The following NKAIN2 variants were observed in gnomAD, a reference collection of about 807,000 sequenced individuals.
NKAIN2 encodes the protein sodium/potassium-transporting ATPase subunit beta-1-interacting protein 2.
A neutral mutation model predicts 32.6 loss-of-function variants in NKAIN2; 14 were observed. The ratio of observed to expected loss-of-function variants is 0.43; its 90% CI spans 0.28 to 0.67. NKAIN2 has a LOEUF of 0.67. NKAIN2 is among the 30% of genes least tolerant of loss of function. NKAIN2 has a pLI of 0.17. For missense variants in NKAIN2, 198 were observed against 258.3 expected (o/e 0.77, Z 1.60); for synonymous variants, 80 against 87.2 (o/e 0.92, Z 0.46).
intron 3 of NKAIN2, among the ~76,000 whole-genome samples, chr6:124,542,083 A>G (rs1369562611): frequency 6.6e-6 from 1 of 152,130 alleles, no homozygotes; most frequent in Non-Finnish European, 1.5e-5. Flanking sequence ...TATGAATTTC[A>G]AAAAGTAAGG....
rs901317417 is a variant in NKAIN2, at chr6:124,387,410, C to T, written c.273+32063C>T. ...ACTACTTCAGAATATTTAGCTCTTGCTCCTAGTCATATAAACAAAGCATCA... is the reference window on the plus strand; with the variant it reads ...ACTACTTCAGAATATTTAGCTCTTGTTCCTAGTCATATAAACAAAGCATCA... On this transcript the variant is annotated intron_variant, in intron 3 of 6. Coordinates refer to ENST00000368417, the MANE Select transcript of NKAIN2 (RefSeq NM_001040214.3). Among the ~76,000 whole-genome samples the T allele has an allele frequency of 8.6e-5, 13 of 151,792 alleles. No individual in the cohort carries two copies. In the East Asian group the frequency reaches 1.9e-3, roughly 23 times the overall value.
chr6:124,264,390 A>G (rs1794390233), intron 1 of NKAIN2, among the ~76,000 whole-genome samples: 1 of 152,182 alleles, frequency 6.6e-6, no homozygotes, highest in Admixed American at 6.6e-5. Context: ...ACAATAAGCC[A>G]TAGTTGGCAA....
chr6:123,979,666 G>T (rs1226379303), intron 1 of NKAIN2, among the ~76,000 whole-genome samples: 4 of 152,162 alleles, frequency 2.6e-5, no homozygotes, highest in Non-Finnish European at 4.4e-5. Context: ...GGATTGTTTT[G>T]TTCTTCATGT....
At chr6:124,143,550 TC>T (rs34760222) in intron 1 of NKAIN2, among the ~76,000 whole-genome samples, 4,386 of 152,282 alleles carry the variant, frequency 0.029, 182 homozygotes, top group East Asian at 0.12. Flanking sequence ...AAATTTCTTA[TC>T]CTGATAAATA....
rs575516973 is a variant in NKAIN2 at position 124,758,111 on chromosome 6, T to C, written c.475-33228T>C. Among the ~76,000 whole-genome samples, 96 of 152,296 alleles carry C rather than the reference T, an allele frequency of 6.3e-4. No individual in the cohort carries two copies. In the South Asian group the frequency reaches 0.019, roughly 30 times the overall value. On this transcript the variant is annotated intron_variant, in intron 4 of 6. Coordinates refer to ENST00000368417, the MANE Select transcript of NKAIN2 (RefSeq NM_001040214.3). ...TTTCATTTGGGGATTATTTTCTTAATGTTTTGAGAGAAGACTCAGCTTTAG... is the reference window on the plus strand; with the variant it reads ...TTTCATTTGGGGATTATTTTCTTAACGTTTTGAGAGAAGACTCAGCTTTAG...
chr6:124,144,844 T>C (rs1380106480), intron 1 of NKAIN2, among the ~76,000 whole-genome samples: 2 of 152,040 alleles, frequency 1.3e-5, no homozygotes, highest in South Asian at 2.1e-4. Context: ...AGACAAGCTA[T>C]GGACTAGGAG....
intron 3 of NKAIN2, among the ~76,000 whole-genome samples, chr6:124,583,823 C>G (rs1229041157): frequency 6.6e-6 from 1 of 152,240 alleles, no homozygotes; most frequent in Non-Finnish European, 1.5e-5. Flanking sequence ...GCATAGAGAA[C>G]CCAGAATCAA....
At chr6:124,136,878 A>G (rs896232243) in intron 1 of NKAIN2, among the ~76,000 whole-genome samples, 2 of 152,168 alleles carry the variant, frequency 1.3e-5, no homozygotes, top group Non-Finnish European at 2.9e-5. Flanking sequence ...AATAAAAGCC[A>G]TATATGACAG....
intron 4 of NKAIN2, among the ~76,000 whole-genome samples, chr6:124,739,114 T>C (rs1221107972): frequency 6.6e-6 from 1 of 151,878 alleles, no homozygotes; most frequent in Non-Finnish European, 1.5e-5. Context: ...ATAGGCAATA[T>C]TACTGTTACT....
intron 3 of NKAIN2, among the ~76,000 whole-genome samples, chr6:124,455,755 G>A (rs934906032): frequency 6.6e-6 from 1 of 151,766 alleles, no homozygotes; most frequent in African/African-American, 2.4e-5. Flanking sequence ...TTGGACATTT[G>A]CATGTGCCTA....
intron 4 of NKAIN2, among the ~76,000 whole-genome samples, chr6:124,787,094 A>C (rs1165497823): frequency 6.6e-6 from 1 of 152,096 alleles, no homozygotes. Context: ...CAAAAGTGCC[A>C]AGCACCAACC....
intron 4 of NKAIN2, among the ~76,000 whole-genome samples, chr6:124,755,759 G>T (rs114856477): frequency 7.0e-4 from 106 of 152,130 alleles, no homozygotes; most frequent in African/African-American, 2.5e-3. Flanking sequence ...TAACTAATGG[G>T]CACTAGGCCT....
chr6:124,096,858 C>CA (rs60102766), intron 1 of NKAIN2, among the ~76,000 whole-genome samples: 66,091 of 102,454 alleles, frequency 0.65, 20,616 homozygotes, highest in East Asian at 0.84. Flanking sequence ...ACTCCGTCTC[C>CA]AAAAAAAAAA....
chr6:124,213,502 A>T (rs1315163413), intron 1 of NKAIN2, among the ~76,000 whole-genome samples: 2 of 152,122 alleles, frequency 1.3e-5, no homozygotes, highest in Non-Finnish European at 2.9e-5. Flanking sequence ...TAAATAAAAA[A>T]ATACAGCCAG....
At chr6:124,573,316 T>A (rs1363385601) in intron 3 of NKAIN2, among the ~76,000 whole-genome samples, 2 of 152,154 alleles carry the variant, frequency 1.3e-5, no homozygotes, top group Non-Finnish European at 2.9e-5. Flanking sequence ...ATTGGGGTGG[T>A]GGAACCGAGA....
chr6:124,573,093 G>A (rs1348379106), intron 3 of NKAIN2, among the ~76,000 whole-genome samples: 1 of 152,084 alleles, frequency 6.6e-6, no homozygotes, highest in African/African-American at 2.4e-5. Context: ...GCCCACCCCG[G>A]CCTCCCAAAG....
At chr6:124,628,918 T>C (rs1783458049) in intron 3 of NKAIN2, among the ~76,000 whole-genome samples, 1 of 152,182 alleles carries the variant, frequency 6.6e-6, no homozygotes, top group South Asian at 2.1e-4. Flanking sequence ...TGTGTCTATG[T>C]GTCTGTTTCT....
chr6:124,306,016 C>CACTATAGAATATAT, intron 2 of NKAIN2, among the ~76,000 whole-genome samples: 1 of 152,106 alleles, frequency 6.6e-6, no homozygotes, highest in African/African-American at 2.4e-5. Context: ...TGATTCTTGT[C>CACTATAGAATATAT]ATCACCCTCA....
At chr6:124,318,688 C>T (rs1019036722) in intron 2 of NKAIN2, among the ~76,000 whole-genome samples, 1 of 151,894 alleles carries the variant, frequency 6.6e-6, no homozygotes, top group Non-Finnish European at 1.5e-5. Flanking sequence ...ATTTCTGGAC[C>T]TGATGAGGAA....
Sources: gnomAD v4.1 joint callset for allele counts (sites outside exome capture counted in the v4.1 genomes callset) on GRCh38, gnomAD v4.1.1 for gene constraint, MANE v1.5 for transcripts, NCBI Gene and HGNC (gene_info 2026-07-23, HGNC 2026-07-21) for gene names.